Variants in SEL1L observed in about 807,000 individuals in gnomAD.
The protein encoded by SEL1L is SEL1L adaptor subunit of SYVN1 ubiquitin ligase.
SEL1L carries 52 observed loss-of-function variants against 109.8 expected under a neutral mutation model. The observed-to-expected ratio is 0.47, with a 90% confidence interval of 0.38 to 0.60. SEL1L has a LOEUF of 0.60. Among genes scored for constraint, SEL1L ranks in the 20% least tolerant of loss-of-function variants. The probability of loss-of-function intolerance (pLI) is 0.00; values close to 1 mark genes in which losing one functional copy is unlikely to be tolerated. For missense variants in SEL1L, 749 were observed against 962.2 expected, an observed-to-expected ratio of 0.78 and a Z score of 2.93; for synonymous variants, 373 against 339.6, an observed-to-expected ratio of 1.10 and a Z score of -1.08.
At chr14:81,498,106 AGAG>A (rs1883847558) in intron 9 of SEL1L, 60 bp from the exon 10 acceptor site, 1 of 1,527,634 alleles carries the variant, frequency 6.5e-7, no homozygotes, top group Admixed American at 1.9e-5. Context: ...TTCCAGAGAG[AGAG>A]AAGTACAATT....
chr14:81,524,764 C>T (rs1885050185), intron 3 of SEL1L, among the ~76,000 whole-genome samples: 1 of 152,122 alleles, frequency 6.6e-6, no homozygotes, highest in African/African-American at 2.4e-5. Flanking sequence ...ATCCCAGCTA[C>T]TCAGGAGGCT....
rs1310914585 is a variant in SEL1L at position 81,473,572 on chromosome 14, A to C, written c.*3400T>G. The C allele has an allele frequency of 1.3e-5, 2 of 152,182 alleles. No individual in the cohort carries two copies. The highest frequency in any genetic ancestry group is 2.9e-5 in the Non-Finnish European group (2 of 68,004). 9.4% of individuals were successfully genotyped at this position (152,182 alleles called of 1,614,324 possible). A position where few individuals can be genotyped will look rare whatever the true frequency, so the allele number is the denominator to read the frequency against. The stretch of plus-strand genomic sequence containing the variant: ...ACTTCTAGTCATAATAATGTGTAAT[A>C]CATATATATATTATGAGATTCACTT... On this transcript the variant is annotated 3_prime_UTR_variant, in exon 21 of 21. Coordinates refer to ENST00000336735, the MANE Select transcript of SEL1L (RefSeq NM_005065.6).
chr14:81,500,069 C>T (rs1406963016), intron 6 of SEL1L, among the ~76,000 whole-genome samples: 3 of 151,802 alleles, frequency 2.0e-5, no homozygotes, highest in African/African-American at 7.3e-5. Context: ...GCCACCACGC[C>T]CAGCTAGTTT....
At chr14:81,505,061 C>T (rs117005489) in intron 4 of SEL1L, among the ~76,000 whole-genome samples, 173 of 152,220 alleles carry the variant, frequency 1.1e-3, no homozygotes, top group Middle Eastern at 3.4e-3. Flanking sequence ...CACAATATGC[C>T]AAGGTCAGCT....
At chr14:81,499,735 G>C in intron 6 of SEL1L, 73 bp from the exon 7 acceptor site, 1 of 1,176,998 alleles carries the variant, frequency 8.5e-7, no homozygotes, top group Non-Finnish European at 1.2e-6. Context: ...GACAGACACA[G>C]TTTTATATAC....
chr14:81,531,603 GAGTGCAGTGGCATAATCACAGCTC>G (rs1885325529), intron 1 of SEL1L, among the ~76,000 whole-genome samples: 1 of 151,868 alleles, frequency 6.6e-6, no homozygotes, highest in African/African-American at 2.4e-5. Flanking sequence ...GTCCAGGCTG[GAGTGCAGTGGCATAATCACAGCTC>G]AGTGCAGCCT....
chr14:81,479,574 C>G lies in SEL1L; in HGVS notation c.2175+38G>C, dbSNP rs761208209. 5.1e-6 allele frequency: 8 copies of G among 1,578,452 alleles called. No homozygotes were observed. In the East Asian group the frequency reaches 1.8e-4, roughly 36 times the overall value. ...CAAACCTCCAGGACAGACCTTCCATCATTTATATTTTAATGAAAAGAGGTA... is the reference window on the plus strand; with the variant it reads ...CAAACCTCCAGGACAGACCTTCCATGATTTATATTTTAATGAAAAGAGGTA... On this transcript the variant is annotated intron_variant, in intron 20 of 20. Coordinates refer to ENST00000336735, the MANE Select transcript of SEL1L (RefSeq NM_005065.6).
intron 3 of SEL1L, 32 bp from the exon 4 acceptor site, chr14:81,506,273 G>C (rs1387865828): frequency 6.5e-7 from 1 of 1,527,328 alleles, no homozygotes; most frequent in Non-Finnish European, 8.8e-7. Flanking sequence ...ATCTAAACAT[G>C]AAACAACACC....
chr14:81,495,796 G>C (rs1883723781), intron 10 of SEL1L, among the ~76,000 whole-genome samples: 1 of 151,926 alleles, frequency 6.6e-6, no homozygotes, highest in Non-Finnish European at 1.5e-5. Flanking sequence ...AATTAGCTGG[G>C]TGTGGTGATG....
At chr14:81,531,550 T>G (rs1159107854) in intron 1 of SEL1L, among the ~76,000 whole-genome samples, 1 of 151,854 alleles carries the variant, frequency 6.6e-6, no homozygotes, top group Non-Finnish European at 1.5e-5. Flanking sequence ...TAACACAGGG[T>G]TGTTTTTTTT....
intron 3 of SEL1L, among the ~76,000 whole-genome samples, chr14:81,517,366 G>C (rs1359649904): frequency 6.6e-6 from 1 of 152,120 alleles, no homozygotes; most frequent in African/African-American, 2.4e-5. Flanking sequence ...CCCAAGGATG[G>C]GCCAAACCAA....
In SEL1L at chr14:81,492,531, G is replaced by C; in HGVS notation, c.1203C>G (p.Phe401Leu). 6.2e-7 allele frequency: 1 copy of C among 1,611,132 alleles called. No homozygotes were observed. Among genetic ancestry groups the C allele is most frequent in the Non-Finnish European group, 8.5e-7 (1 of 1,177,878 alleles). ...EQNHQRAFDY[F>L]NLAANAGNSH... ...AATTGCCAGCATTTGCTGCTAAATTGAAGTAGTCAAATGCTCTCTATGAGA... is the reference window on the plus strand; with the variant it reads ...AATTGCCAGCATTTGCTGCTAAATTCAAGTAGTCAAATGCTCTCTATGAGA... Residue 401 changes from phenylalanine to leucine, a missense_variant, in exon 12 of 21, where the codon TTC (phenylalanine) becomes TTG (leucine). Around this residue, in one of 2 missense-constraint regions of SEL1L, gnomAD observed 383 missense variants for 562.5 expected, o/e 0.68. Transcript: ENST00000336735.
intron 3 of SEL1L, among the ~76,000 whole-genome samples, chr14:81,511,226 T>C (rs1884464395): frequency 6.6e-6 from 1 of 152,234 alleles, no homozygotes; most frequent in Non-Finnish European, 1.5e-5. Context: ...TGTATTCATA[T>C]GCAGAATGAA....
chr14:81,494,300 CACT>C (rs1215848237), intron 11 of SEL1L, among the ~76,000 whole-genome samples: 3 of 152,178 alleles, frequency 2.0e-5, no homozygotes, highest in Admixed American at 6.5e-5. Flanking sequence ...ATCTTGAATC[CACT>C]ACTATCTTCC....
At chr14:81,531,250 A>T (rs912826683) in intron 1 of SEL1L, among the ~76,000 whole-genome samples, 11 of 152,310 alleles carry the variant, frequency 7.2e-5, no homozygotes, top group Admixed American at 2.6e-4. Context: ...TTCATTGTTG[A>T]CCAAAATGTC....
At position 81,477,156 on chromosome 14, in the gene SEL1L, T is replaced by A; in HGVS notation, c.2201A>T (p.Asp734Val). ...TNIRDMFTQL[D>V]MDQLLGPEWD... Reference sequence around the variant, plus strand: ...CTCAGGTCCCAAAAGCTGGTCCATATCAAGTTGGGTGAACATATCTCGAAT... The same window carrying A: ...CTCAGGTCCCAAAAGCTGGTCCATAACAAGTTGGGTGAACATATCTCGAAT... Residue 734 changes from aspartate to valine, a missense_variant, in exon 21 of 21, where the codon GAT becomes GTT. Physicochemically the swap from Asp to Val is radical, Grantham distance 152. Transcript: ENST00000336735. 1 of 1,614,072 alleles carries A rather than the reference T, an allele frequency of 6.2e-7. No homozygotes were observed. Among genetic ancestry groups the A allele is most frequent in the South Asian group, 1.1e-5 (1 of 91,086 alleles).
At chr14:81,481,855 AC>A (rs1182975971) in intron 19 of SEL1L, among the ~76,000 whole-genome samples, 1 of 151,964 alleles carries the variant, frequency 6.6e-6, no homozygotes, top group Non-Finnish European at 1.5e-5. Flanking sequence ...AGATGGTGAA[AC>A]CCCGTCTCTA....
Position 81,506,219 on chromosome 14 carries a change from T to C in SEL1L, c.363A>G (p.Thr121=). ...GGAAGTGGCAGGGCTCCCCATGTGC[T>C]GTGCCTTCAATGGCGGTCAAAGCTG... ...RKPALTAIEG[T]AHGEPCHFPF... The change falls in exon 4 of 21, where the codon ACA becomes ACG. Residue 121 remains threonine, a synonymous_variant. Transcript: ENST00000336735. The C allele has an allele frequency of 6.2e-7, 1 of 1,606,030 alleles. No individual in the cohort carries two copies. Among genetic ancestry groups the C allele is most frequent in the Non-Finnish European group, 8.5e-7 (1 of 1,176,974 alleles).
rs1313934612 is a variant in SEL1L at position 81,472,410 on chromosome 14, T to TG, written c.*4561dup. 1.2e-5 allele frequency: 3 copies of TG among 240,196 alleles called. No individual in the cohort carries two copies. The highest frequency in any genetic ancestry group is 4.7e-5 in the African/African-American group (2 of 42,642). The allele number at this position is 240,196 out of a possible 1,614,324, so 14.9% of individuals were successfully genotyped here. A position where few individuals can be genotyped will look rare whatever the true frequency, so the allele number is the denominator to read the frequency against. ...GAACATTTTACCTCAGTTACCTCTT[T>TG]GAGTTGCCTGCTGGGAAGCTGGGGG... is the stretch of plus-strand genomic sequence containing the variant. On this transcript the variant is annotated 3_prime_UTR_variant, in exon 21 of 21. Transcript: ENST00000336735.
Sources: allele counts gnomAD v4.1 joint callset (sites outside exome capture counted in the v4.1 genomes callset), GRCh38; gene constraint gnomAD v4.1.1; regional missense constraint gnomAD v4.1.1; transcripts MANE v1.5; gene names NCBI Gene and HGNC (gene_info 2026-07-23, HGNC 2026-07-21).